The following FOCAD variants were observed in gnomAD, a reference collection of about 807,000 sequenced individuals.
The protein encoded by FOCAD is KIAA1797.
Under a neutral mutation model 225.6 loss-of-function variants are expected in FOCAD, and 198 were observed. That is an observed-to-expected ratio of 0.88 (90% CI 0.78 to 0.99). The LOEUF is 0.99. Ranked by LOEUF, FOCAD falls within the 50% of genes least tolerant of loss-of-function variation. FOCAD has a pLI of 0.00. For missense variants in FOCAD, 2,713 were observed against 2,123.6 expected (o/e 1.28, Z -5.46); for synonymous variants, 897 against 755.0 (o/e 1.19, Z -3.08).
chr9:20,834,829 C>A (rs529922670), intron 15 of FOCAD, among the ~76,000 whole-genome samples: 1 of 152,090 alleles, frequency 6.6e-6, no homozygotes, highest in African/African-American at 2.4e-5. Context: ...TGAACTATGG[C>A]TAATCCCAAT....
intron 8 of FOCAD, 53 bp downstream of exon 8, chr9:20,770,291 G>C: frequency 6.8e-7 from 1 of 1,468,488 alleles, no homozygotes; most frequent in Non-Finnish European, 9.5e-7. Flanking sequence ...AGAAATACCT[G>C]AGACTTGGTA....
intron 4 of FOCAD, among the ~76,000 whole-genome samples, chr9:20,738,065 T>A (rs1185580497): frequency 6.6e-6 from 1 of 152,182 alleles, no homozygotes; most frequent in African/African-American, 2.4e-5. Flanking sequence ...AAGTTCTGAT[T>A]CTGAAAAAGT....
chr9:20,813,707 T>A (rs1485659382), intron 11 of FOCAD, among the ~76,000 whole-genome samples: 1 of 152,186 alleles, frequency 6.6e-6, no homozygotes, highest in Non-Finnish European at 1.5e-5. Context: ...GCTGTTGCTG[T>A]TGGGTAGAAC....
chr9:20,676,389 G>C (rs560944886), intron 2 of FOCAD, among the ~76,000 whole-genome samples: 1 of 152,164 alleles, frequency 6.6e-6, no homozygotes, highest in Non-Finnish European at 1.5e-5. Context: ...GGAATGAGAA[G>C]AACCTCCCTC....
intron 33 of FOCAD, among the ~76,000 whole-genome samples, chr9:20,950,108 C>G (rs1261229879): frequency 6.6e-6 from 1 of 151,680 alleles, no homozygotes; most frequent in Non-Finnish European, 1.5e-5. Flanking sequence ...ATATTAATCT[C>G]CTAAGAAATG....
At chr9:20,855,413 A>T (rs960393430) in intron 15 of FOCAD, among the ~76,000 whole-genome samples, 5 of 151,648 alleles carry the variant, frequency 3.3e-5, no homozygotes, top group Non-Finnish European at 7.4e-5. Context: ...GTCTCTGAAT[A>T]AGTAAATTGT....
chr9:20,731,874 C>G (rs1490205527), intron 4 of FOCAD, among the ~76,000 whole-genome samples: 2 of 152,198 alleles, frequency 1.3e-5, no homozygotes, highest in Non-Finnish European at 2.9e-5. Context: ...GCCTCAGCCT[C>G]CCAAAGTCCT....
rs976417911 is a variant in FOCAD, at chr9:20,787,549, A to G, written c.1198-1802A>G. Among the ~76,000 whole-genome samples, 6 of 150,468 alleles carry G rather than the reference A, an allele frequency of 4.0e-5. No individual in the cohort carries two copies. In the East Asian group the frequency reaches 5.8e-4, roughly 14 times the overall value. ...TCTTCATGGGAAGAAAAATATTTTT[A>G]GAGAGCTAGAGCTATATAAACTTAG... On this transcript the variant is annotated intron_variant, in intron 10 of 43. Transcript: ENST00000338382.
chr9:20,722,100 G>C (rs1033704780), intron 4 of FOCAD, among the ~76,000 whole-genome samples: 6 of 146,542 alleles, frequency 4.1e-5, no homozygotes, highest in Non-Finnish European at 6.0e-5. Context: ...TATGCTGCCT[G>C]GGCATTATTG....
intron 21 of FOCAD, among the ~76,000 whole-genome samples, chr9:20,903,198 G>T (rs754747638): frequency 9.2e-5 from 14 of 151,678 alleles, no homozygotes; most frequent in Non-Finnish European, 2.1e-4. Context: ...TGAACTTCAG[G>T]CTCCTAGCCT....
chr9:20,756,662 A>G (rs998654969), intron 5 of FOCAD, among the ~76,000 whole-genome samples: 4 of 152,154 alleles, frequency 2.6e-5, no homozygotes, highest in South Asian at 4.1e-4. Flanking sequence ...CTGCAGGGCT[A>G]TTTATTAGGT....
intron 11 of FOCAD, among the ~76,000 whole-genome samples, chr9:20,801,132 G>T (rs1821780796): frequency 6.6e-6 from 1 of 152,120 alleles, no homozygotes; most frequent in African/African-American, 2.4e-5. Flanking sequence ...CTGTTTGCCT[G>T]GGTATCAGCA....
rs560339784 is a variant in FOCAD, at chr9:20,775,309, A to G, written c.907-3372A>G. Among the ~76,000 whole-genome samples, 12 of 152,336 alleles carry G rather than the reference A, an allele frequency of 7.9e-5. No individual in the cohort carries two copies. The East Asian group carries it at 1.9e-3, about 24-fold the overall frequency. On this transcript the variant is annotated intron_variant, in intron 8 of 43. Transcript: ENST00000338382. ...TGACCAGCAAAATTAGGCAAAAATG[A>G]TGCTCACTGGGAGGAGATTGGGTAG...
At chr9:20,928,812 G>C (rs1355932175) in intron 26 of FOCAD, 1 of 152,336 alleles carries the variant, frequency 6.6e-6, no homozygotes, top group African/African-American at 2.4e-5. Flanking sequence ...CTACTGGGAA[G>C]TGTTCCCACC....
intron 31 of FOCAD, among the ~76,000 whole-genome samples, 200 bp downstream of exon 31, chr9:20,948,593 A>G (rs944483449): frequency 4.6e-5 from 7 of 152,148 alleles, no homozygotes; most frequent in African/African-American, 1.4e-4. Flanking sequence ...TGAACTGGCT[A>G]TTTTGTCTGA....
intron 4 of FOCAD, among the ~76,000 whole-genome samples, chr9:20,722,361 C>G (rs1306803409): frequency 1.3e-5 from 2 of 152,172 alleles, no homozygotes; most frequent in Non-Finnish European, 2.9e-5. Flanking sequence ...TGTGTGTGTT[C>G]CACACCAGCA....
At chr9:20,860,295 T>A (rs1000612922) in intron 15 of FOCAD, among the ~76,000 whole-genome samples, 1 of 152,180 alleles carries the variant, frequency 6.6e-6, no homozygotes, top group Non-Finnish European at 1.5e-5. Flanking sequence ...CGTTTCTGTA[T>A]TAGCCCATTT....
At chr9:20,796,372 TC>T (rs1247531389) in intron 11 of FOCAD, among the ~76,000 whole-genome samples, 1 of 152,216 alleles carries the variant, frequency 6.6e-6, no homozygotes, top group Non-Finnish European at 1.5e-5. Context: ...TAGTTCTAGC[TC>T]CCTGAGGAAT....
At chr9:20,719,870 T>G in intron 3 of FOCAD, among the ~76,000 whole-genome samples, 1 of 148,886 alleles carries the variant, frequency 6.7e-6, no homozygotes, top group Non-Finnish European at 1.5e-5. Context: ...GGGCCCACGT[T>G]AGACTTCAAG....
Sources: allele counts gnomAD v4.1 joint callset (sites outside exome capture counted in the v4.1 genomes callset), GRCh38; gene constraint gnomAD v4.1.1; transcripts MANE v1.5; gene names NCBI Gene and HGNC (gene_info 2026-07-23, HGNC 2026-07-21).